ZNF638: variants seen among roughly 807,000 people sequenced by gnomAD.
ZNF638 encodes the protein zinc finger protein 638.
Under a neutral mutation model 195.6 loss-of-function variants are expected in ZNF638, and 46 were observed. That is an observed-to-expected ratio of 0.24 (90% CI 0.19 to 0.30). ZNF638 has a LOEUF of 0.30. Among genes scored for constraint, ZNF638 ranks in the 10% least tolerant of loss-of-function variants. The probability of loss-of-function intolerance (pLI) is 1.00; values close to 1 mark genes in which losing one functional copy is unlikely to be tolerated. For missense variants in ZNF638, 2,440 were observed against 2,325.3 expected (o/e 1.05, Z -1.01); for synonymous variants, 845 against 772.0 (o/e 1.09, Z -1.57).
chr2:71,432,606 A>G (rs983422147), intron 26 of ZNF638, among the ~76,000 whole-genome samples: 2 of 152,248 alleles, frequency 1.3e-5, no homozygotes, highest in African/African-American at 2.4e-5. Flanking sequence ...AATCTATTCA[A>G]CTTGGCATTA....
At chr2:71,371,230 T>C (rs552760532) in intron 8 of ZNF638, among the ~76,000 whole-genome samples, 2 of 152,348 alleles carry the variant, frequency 1.3e-5, no homozygotes, top group African/African-American at 4.8e-5. Flanking sequence ...ACATTTTCTT[T>C]ATCTATTCAT....
At chr2:71,369,165 T>TGTC (rs67150781) in intron 7 of ZNF638, among the ~76,000 whole-genome samples, 1 of 85,764 alleles carries the variant, frequency 1.2e-5, no homozygotes, top group Non-Finnish European at 2.2e-5. Flanking sequence ...TGAAACCCCG[T>TGTC]GTCTACTAAG....
chr2:71,346,435 G>T (rs1478877506), intron 1 of ZNF638, among the ~76,000 whole-genome samples: 1 of 152,212 alleles, frequency 6.6e-6, no homozygotes, highest in African/African-American at 2.4e-5. Flanking sequence ...TGGTAAGCTT[G>T]TGTCTGCAGC....
At chr2:71,417,107 T>G (rs2152594504) in intron 20 of ZNF638, among the ~76,000 whole-genome samples, 1 of 140,266 alleles carries the variant, frequency 7.1e-6, no homozygotes, top group Non-Finnish European at 1.6e-5. Flanking sequence ...GATCTCAGAG[T>G]GCTGTGCTAG....
At chr2:71,395,118 C>T in intron 10 of ZNF638, 1 of 643,624 alleles carries the variant, frequency 1.6e-6, no homozygotes, top group Non-Finnish European at 2.9e-6. Context: ...CATAGATCTA[C>T]ATGTCCAACA....
chr2:71,403,647 TTAGTA>T (rs1382812773), intron 16 of ZNF638, among the ~76,000 whole-genome samples: 3 of 152,158 alleles, frequency 2.0e-5, no homozygotes, highest in African/African-American at 4.8e-5. Context: ...TTAGTTTGCC[TTAGTA>T]TAGTAAGTTT....
At position 71,396,168 on chromosome 2, in the gene ZNF638, T is replaced by A. The variant is rs1004336637; in HGVS notation, c.2405T>A (p.Val802Glu). The stretch of plus-strand genomic sequence containing the variant: ...AAAACTGGACAAGCCAAGGCATCTG[T>A]AGCCAAAGTAAACAAATCTACAGGT... ...AAKTGQAKAS[V>E]AKVNKSTGKS... Residue 802 changes from valine to glutamate, a missense_variant, in exon 11 of 28, where the codon GTA becomes GAA. Around this residue, in one of 5 missense-constraint regions of ZNF638, gnomAD observed 1,883 missense variants for 1,739.1 expected, o/e 1.08. Coordinates refer to ENST00000264447, the MANE Select transcript of ZNF638 (RefSeq NM_014497.5). The A allele has an allele frequency of 8.1e-6, 13 of 1,613,218 alleles. No homozygotes were observed. In the Middle Eastern group the frequency reaches 8.2e-4, roughly 102 times the overall value.
intron 17 of ZNF638, among the ~76,000 whole-genome samples, chr2:71,404,979 A>G (rs2152577619): frequency 1.3e-5 from 2 of 152,318 alleles, no homozygotes; most frequent in South Asian, 4.1e-4. Context: ...TAATGTAAAA[A>G]TACCTTTCAT....
chr2:71,403,868 A>G lies in ZNF638; in HGVS notation c.2830-2A>G. The G allele has an allele frequency of 1.3e-6, 2 of 1,529,200 alleles. No homozygotes were observed. The highest frequency in any genetic ancestry group is 8.8e-7 in the Non-Finnish European group (1 of 1,131,566). 94.7% of individuals were successfully genotyped at this position (1,529,200 alleles called of 1,614,324 possible). On this transcript the variant is annotated splice_acceptor_variant, in intron 16 of 27. Coordinates refer to ENST00000264447, the MANE Select transcript of ZNF638 (RefSeq NM_014497.5). LOFTEE classifies it high-confidence loss of function. ...TTGTTACCTTAATTTCTGTTTTAAA[A>G]GGCATATATAGAAATAAATAGAAAA...
At chr2:71,433,488 G>C (rs1238223118) in intron 27 of ZNF638, 2 of 494,802 alleles carry the variant, frequency 4.0e-6, no homozygotes, top group African/African-American at 3.9e-5. Context: ...ACATTTGCCA[G>C]AGTAGATTCT....
At chr2:71,369,828 G>A in intron 7 of ZNF638, 55 bp from the exon 8 acceptor site, 5 of 1,512,998 alleles carry the variant, frequency 3.3e-6, no homozygotes, top group Non-Finnish European at 3.5e-6. Flanking sequence ...ATTTTAAAAT[G>A]CAGGAACTTT....
At chr2:71,397,445 A>G (rs1388469961) in intron 11 of ZNF638, among the ~76,000 whole-genome samples, 5 of 152,204 alleles carry the variant, frequency 3.3e-5, no homozygotes, top group Non-Finnish European at 1.5e-5. Flanking sequence ...TCTTGACTAT[A>G]AAGGGTGGAT....
At chr2:71,391,849 A>G (rs1370201709) in intron 10 of ZNF638, among the ~76,000 whole-genome samples, 1 of 152,188 alleles carries the variant, frequency 6.6e-6, no homozygotes, top group Admixed American at 6.5e-5. Context: ...AATTGAGGAA[A>G]TAGACCAAGT....
At position 71,345,248 on chromosome 2, in the gene ZNF638, T is replaced by C. The variant is rs568249610; in HGVS notation, c.-202-3505T>C. Among the ~76,000 whole-genome samples, 9 of 152,332 alleles carry C rather than the reference T, an allele frequency of 5.9e-5. No homozygotes were observed. The South Asian group carries it at 1.7e-3, about 28-fold the overall frequency. ...TACCATCTATGGTTTCAGGCATCCA[T>C]TGGGGATCTTAGAATGCATCCACCT... is the stretch of plus-strand genomic sequence containing the variant. On this transcript the variant is annotated intron_variant, in intron 1 of 27. Transcript: ENST00000264447.
In ZNF638 at chr2:71,406,262, G is replaced by A; in HGVS notation, c.3135G>A (p.Lys1045=). Residue 1045 remains lysine, a splice_region_variant and synonymous_variant, in exon 19 of 28, where the codon AAG becomes AAA. Coordinates refer to ENST00000264447, the MANE Select transcript of ZNF638 (RefSeq NM_014497.5). ...ATGTATTCATAAGTAATAGAAACAA[G>A]GTAACAAGTTCCCTCATAATTTAGC... The part of the protein sequence containing the change: ...DHHVFISNRN[K]AILQLDSPES... The A allele has an allele frequency of 6.2e-7, 1 of 1,610,006 alleles. No homozygotes were observed. Among genetic ancestry groups the A allele is most frequent in the Non-Finnish European group, 8.5e-7 (1 of 1,176,554 alleles).
At chr2:71,430,011 A>C (rs1434801807) in intron 25 of ZNF638, among the ~76,000 whole-genome samples, 2 of 152,212 alleles carry the variant, frequency 1.3e-5, no homozygotes, top group Admixed American at 6.5e-5. Flanking sequence ...TGGTAGGGCA[A>C]CCTTGGCAAT....
intron 27 of ZNF638, among the ~76,000 whole-genome samples, chr2:71,433,887 T>C (rs1401635684): frequency 6.6e-6 from 1 of 152,210 alleles, no homozygotes; most frequent in African/African-American, 2.4e-5. Flanking sequence ...GATGCTATTA[T>C]TCCAATCTTA....
In ZNF638 at chr2:71,368,408, T is replaced by C. The variant is rs1463316545; in HGVS notation, c.2022T>C (p.Tyr674=). ...RKLRKEQSLH[Y]GSVLLITELP... is the part of the protein sequence containing the mutation. ...TTCGGAAAGAACAGTCATTGCATTA[T>C]GGTTCGGTTCTTCTTATAACTGAAT... Residue 674 remains tyrosine, a synonymous_variant, in exon 7 of 28, where the codon TAT becomes TAC. Coordinates refer to ENST00000264447, the MANE Select transcript of ZNF638 (RefSeq NM_014497.5). The C allele has an allele frequency of 3.1e-6, 5 of 1,612,638 alleles. No homozygotes were observed. Among genetic ancestry groups the C allele is most frequent in the South Asian group, 1.1e-5 (1 of 90,840 alleles).
In ZNF638 at chr2:71,434,753, C is replaced by G. The variant is rs777954601; in HGVS notation, c.5883C>G (p.Ala1961=). The change falls in exon 28 of 28, where the codon GCC becomes GCG. Residue 1961 remains alanine, a synonymous_variant. Transcript: ENST00000264447. The part of the protein sequence containing the change: ...RHKQNTEKFM[A]KQRKEKEQNE... Reference sequence around the variant, plus strand: ...ATTGCTTTTAACAGAAATTCATGGCCAAGCAAAGAAAGGAAAAGGAGCAGA... The same window carrying G: ...ATTGCTTTTAACAGAAATTCATGGCGAAGCAAAGAAAGGAAAAGGAGCAGA... 4 of 1,611,850 alleles carry G rather than the reference C, an allele frequency of 2.5e-6. No homozygotes were observed. The highest frequency in any genetic ancestry group is 3.4e-6 in the Non-Finnish European group (4 of 1,179,264).
Sources: gnomAD v4.1 joint callset for allele counts (sites outside exome capture counted in the v4.1 genomes callset) on GRCh38, gnomAD v4.1.1 for gene constraint, gnomAD v4.1.1 regional missense constraint, MANE v1.5 for transcripts, NCBI Gene and HGNC (gene_info 2026-07-23, HGNC 2026-07-21) for gene names.